The following PLEKHA5 variants were observed in gnomAD, a reference collection of about 807,000 sequenced individuals.
The protein encoded by PLEKHA5 is pleckstrin homology domain-containing family A member 5.
In PLEKHA5, 55 loss-of-function variants were observed where a neutral mutation model predicts 181.9. That is an observed-to-expected ratio of 0.30 (90% CI 0.24 to 0.38). PLEKHA5 has a LOEUF of 0.38. PLEKHA5 is among the 10% of genes least tolerant of loss of function. The pLI, the probability that PLEKHA5 is intolerant of heterozygous loss-of-function variation, is 1.00. For synonymous variants in PLEKHA5, 535 were observed against 529.4 expected, an observed-to-expected ratio of 1.01 and a Z score of -0.15; for missense variants, 1,432 against 1,549.5, an observed-to-expected ratio of 0.92 and a Z score of 1.27.
chr12:19,251,612 G>A (rs2152525282), intron 3 of PLEKHA5, among the ~76,000 whole-genome samples: 1 of 151,850 alleles, frequency 6.6e-6, no homozygotes, highest in South Asian at 2.1e-4. Flanking sequence ...ATAAAATCAT[G>A]CATAAGCAAA....
rs577651206 is a variant in PLEKHA5, at chr12:19,247,757, A to T, written c.228-6183A>T. Among the ~76,000 whole-genome samples, 234 of 145,958 alleles carry T rather than the reference A, an allele frequency of 1.6e-3. 1 individual carries two copies. Among genetic ancestry groups the T allele is most frequent in the African/African-American group, 5.4e-3 (218 of 40,416 alleles). Reference sequence around the variant, plus strand: ...TTCCTTGGTATCTTTTCTTTTTTTAAAAAAAAAAAAGGTAGGGGGTGAGGG... The same window carrying T: ...TTCCTTGGTATCTTTTCTTTTTTTATAAAAAAAAAAGGTAGGGGGTGAGGG... On this transcript the variant is annotated intron_variant, in intron 3 of 31. Coordinates refer to ENST00000429027, the MANE Select transcript of PLEKHA5 (RefSeq NM_001256470.2).
rs1452480685 is a variant in PLEKHA5 at position 19,333,605 on chromosome 12, A to G, written c.2449-2910A>G. 1.7e-4 allele frequency among the ~76,000 whole-genome samples: 20 copies of G among 116,230 alleles called. No homozygotes were observed. The Admixed American group carries it at 2.2e-3, about 13-fold the overall frequency. The allele number at this position is 116,230 out of a possible 152,430, so 76.3% of individuals were successfully genotyped here. On this transcript the variant is annotated intron_variant, in intron 20 of 31. Coordinates refer to ENST00000429027, the MANE Select transcript of PLEKHA5 (RefSeq NM_001256470.2). ...CTCCATCTCAAAAAAGAGTTCATTC[A>G]TTCTCTTTTTTTTTTTTTTTTGAGA...
intron 3 of PLEKHA5, among the ~76,000 whole-genome samples, chr12:19,251,929 A>G (rs1022058094): frequency 2.0e-5 from 3 of 152,098 alleles, no homozygotes; most frequent in Admixed American, 2.0e-4. Context: ...GTGCCAAGAC[A>G]ATGGTCAGGA....
At chr12:19,272,477 G>T (rs1018856867) in intron 10 of PLEKHA5, among the ~76,000 whole-genome samples, 1 of 152,116 alleles carries the variant, frequency 6.6e-6, no homozygotes, top group Non-Finnish European at 1.5e-5. Flanking sequence ...GGTGGCTCAC[G>T]CTTGTAACCC....
intron 15 of PLEKHA5, among the ~76,000 whole-genome samples, chr12:19,311,718 G>A (rs546745927): frequency 1.5e-4 from 23 of 152,194 alleles, no homozygotes; most frequent in African/African-American, 5.3e-4. Context: ...CACATCTGCA[G>A]TTCCTTCCTC....
intron 3 of PLEKHA5, among the ~76,000 whole-genome samples, chr12:19,191,843 G>A (rs993903152): frequency 6.6e-6 from 1 of 152,156 alleles, no homozygotes; most frequent in Non-Finnish European, 1.5e-5. Context: ...AAGGCTGCGT[G>A]ACCCATGACA....
At chr12:19,278,897 T>C (rs1057117430) in intron 11 of PLEKHA5, among the ~76,000 whole-genome samples, 2 of 152,182 alleles carry the variant, frequency 1.3e-5, no homozygotes, top group Admixed American at 1.3e-4. Context: ...AACAACCTCT[T>C]TTTGAGTAGA....
chr12:19,260,307 C>T (rs1398695611), intron 6 of PLEKHA5, among the ~76,000 whole-genome samples: 2 of 152,184 alleles, frequency 1.3e-5, no homozygotes, highest in Admixed American at 1.3e-4. Context: ...TTTACCAGAA[C>T]ACATGCACTG....
chr12:19,165,796 G>C (rs560582384), intron 3 of PLEKHA5, among the ~76,000 whole-genome samples: 7 of 152,202 alleles, frequency 4.6e-5, no homozygotes, highest in Admixed American at 3.9e-4. Context: ...GACCACTTTG[G>C]GGGTGCAATT....
intron 20 of PLEKHA5, among the ~76,000 whole-genome samples, chr12:19,331,583 T>C (rs1279114689): frequency 6.6e-6 from 1 of 152,154 alleles, no homozygotes; most frequent in South Asian, 2.1e-4. Flanking sequence ...CCTTAACTGA[T>C]TTTTTTGGAA....
chr12:19,327,068 T>C (rs2092230017), intron 20 of PLEKHA5, among the ~76,000 whole-genome samples: 1 of 152,214 alleles, frequency 6.6e-6, no homozygotes, highest in East Asian at 1.9e-4. Flanking sequence ...TTGCTTTCTT[T>C]TGGATATACT....
At chr12:19,148,013 A>G (rs1591810683) in intron 3 of PLEKHA5, among the ~76,000 whole-genome samples, 1 of 930 alleles carries the variant, frequency 1.1e-3, no homozygotes, top group African/African-American at 1.1e-3. Flanking sequence ...TTAAGATTAT[A>G]GGCATTGAGC....
intron 3 of PLEKHA5, chr12:19,236,921 A>G (rs1023392203): frequency 1.2e-4 from 19 of 152,122 alleles, no homozygotes; most frequent in Non-Finnish European, 2.6e-4. Context: ...CTTCATCCCC[A>G]CAGTGCTCAC....
Position 19,298,675 on chromosome 12 carries a change from T to C in PLEKHA5, c.2037+6978T>C, listed in dbSNP as rs145366970. On this transcript the variant is annotated intron_variant, in intron 15 of 31. Coordinates refer to ENST00000429027, the MANE Select transcript of PLEKHA5 (RefSeq NM_001256470.2). ...TAAGCCACCGCGCCTGGCCCAAAGC[T>C]TGTCATCTTTATCCCTCAAGTCCCT... Among the ~76,000 whole-genome samples, 399 of 152,126 alleles carry C rather than the reference T, an allele frequency of 2.6e-3. 1 individual carries two copies. Among genetic ancestry groups the C allele is most frequent in the Non-Finnish European group, 4.4e-3 (299 of 67,998 alleles).
At chr12:19,166,344 A>G (rs2044371135) in intron 3 of PLEKHA5, among the ~76,000 whole-genome samples, 1 of 152,190 alleles carries the variant, frequency 6.6e-6, no homozygotes, top group South Asian at 2.1e-4. Context: ...GTGGTTCTAA[A>G]TGTCTTGCAT....
At chr12:19,316,787 C>A (rs976075114) in intron 16 of PLEKHA5, among the ~76,000 whole-genome samples, 6 of 152,172 alleles carry the variant, frequency 3.9e-5, no homozygotes, top group Admixed American at 1.3e-4. Context: ...TAAATTTGCA[C>A]AAACTGAAAT....
chr12:19,192,597 G>T (rs1173581946), intron 3 of PLEKHA5, among the ~76,000 whole-genome samples: 1 of 152,168 alleles, frequency 6.6e-6, no homozygotes, highest in Non-Finnish European at 1.5e-5. Context: ...CAGCCACTCG[G>T]GTGGCTGAGG....
In PLEKHA5 at chr12:19,297,650, A is replaced by T. The variant is rs2080241649; in HGVS notation, c.2037+5953A>T. On this transcript the variant is annotated intron_variant, in intron 15 of 31. Transcript: ENST00000429027. ...TCTCAAAAAAAAAAAAAAAAAAAAAATACAGTGCAAGCATACCTATGTATT... is the reference window on the plus strand; with the variant it reads ...TCTCAAAAAAAAAAAAAAAAAAAAATTACAGTGCAAGCATACCTATGTATT... Among the ~76,000 whole-genome samples the T allele has an allele frequency of 2.7e-5, 4 of 150,678 alleles. No individual in the cohort carries two copies. The South Asian group carries it at 8.4e-4, about 32-fold the overall frequency.
At chr12:19,150,581 G>T (rs966478110) in intron 3 of PLEKHA5, 2 of 152,184 alleles carry the variant, frequency 1.3e-5, no homozygotes, top group Admixed American at 6.5e-5. Context: ...AATTCTCACA[G>T]TTAAGAATAG....
Sources: gnomAD v4.1 joint callset for allele counts (sites outside exome capture counted in the v4.1 genomes callset) on GRCh38, gnomAD v4.1.1 for gene constraint, MANE v1.5 for transcripts, NCBI Gene and HGNC (gene_info 2026-07-23, HGNC 2026-07-21) for gene names.